Variants in RAB1A observed in about 807,000 individuals in gnomAD.
RAB1A encodes the protein RAB1A, member RAS oncogene family, also known as ras-related protein Rab-1A.
A neutral mutation model predicts 26.0 loss-of-function variants in RAB1A; 2 were observed. The ratio of observed to expected loss-of-function variants is 0.08; its 90% CI spans 0.03 to 0.24. The LOEUF is 0.24. Among genes scored for constraint, RAB1A ranks in the 10% least tolerant of loss-of-function variants. RAB1A has a pLI of 1.00. For missense variants in RAB1A, 100 were observed against 247.0 expected (o/e 0.40, Z 3.99); for synonymous variants, 84 against 84.9 (o/e 0.99, Z 0.06).
At position 65,087,259 on chromosome 2, in the gene RAB1A, T is replaced by C. The variant is rs1383202769; in HGVS notation, c.*1234A>G. The stretch of plus-strand genomic sequence containing the variant: ...GGTCCTATTTCAGAAAATCTTCATA[T>C]ATGCAAAATGTCACCAAAATAAATA... On this transcript the variant is annotated 3_prime_UTR_variant, in exon 6 of 6. Coordinates refer to ENST00000409784, the MANE Select transcript of RAB1A (RefSeq NM_004161.5). 1 of 152,668 alleles carries C rather than the reference T, an allele frequency of 6.6e-6. No homozygotes were observed. The highest frequency in any genetic ancestry group is 2.4e-5 in the African/African-American group (1 of 41,466). 9.5% of individuals were successfully genotyped at this position (152,668 alleles called of 1,614,324 possible). A position where few individuals can be genotyped will look rare whatever the true frequency, so the allele number is the denominator to read the frequency against.
At chr2:65,126,301 G>A (rs1670100338) in intron 1 of RAB1A, among the ~76,000 whole-genome samples, 1 of 151,252 alleles carries the variant, frequency 6.6e-6, no homozygotes, top group Non-Finnish European at 1.5e-5. Flanking sequence ...GTGACAGAGT[G>A]AGACTCCATC....
intron 2 of RAB1A, among the ~76,000 whole-genome samples, chr2:65,103,676 C>T (rs1669488415): frequency 1.3e-5 from 2 of 152,170 alleles, no homozygotes; most frequent in Admixed American, 1.3e-4. Flanking sequence ...GATATTTTGA[C>T]CTCATGGGCT....
At chr2:65,095,012 G>C (rs1473584959) in intron 3 of RAB1A, among the ~76,000 whole-genome samples, 3 of 152,088 alleles carry the variant, frequency 2.0e-5, no homozygotes, top group Admixed American at 6.6e-5. Flanking sequence ...AGAAGTAAAA[G>C]AAACAGGCTT....
intron 1 of RAB1A, among the ~76,000 whole-genome samples, chr2:65,121,533 T>A (rs1356785384): frequency 3.3e-5 from 5 of 152,178 alleles, no homozygotes; most frequent in South Asian, 4.1e-4. Flanking sequence ...CTGTACCCTA[T>A]CTCTCACATG....
chr2:65,098,836 C>CTTTT lies in RAB1A; in HGVS notation c.97-774_97-771dup, dbSNP rs70943624. On this transcript the variant is annotated intron_variant, in intron 2 of 5. Transcript: ENST00000409784. The stretch of plus-strand genomic sequence containing the variant: ...CATGTTGTACCATGTAACAGTACTT[C>CTTTT]TTTTTTTTTTTTTTTTTGAGGCAGG... 1.1e-4 allele frequency among the ~76,000 whole-genome samples: 11 copies of CTTTT among 103,392 alleles called. 3 individuals are homozygous for CTTTT. Among genetic ancestry groups the CTTTT allele is most frequent in the African/African-American group, 1.1e-4 (3 of 26,886 alleles). 67.8% of individuals were successfully genotyped at this position (103,392 alleles called of 152,430 possible).
intron 1 of RAB1A, among the ~76,000 whole-genome samples, chr2:65,107,117 G>C (rs778884320): frequency 1.3e-4 from 19 of 151,822 alleles, no homozygotes; most frequent in Non-Finnish European, 1.9e-4. Context: ...CCAGGCTGGA[G>C]TGCAGTGAAG....
In RAB1A at chr2:65,101,544, T is replaced by C. The variant is rs146018959; in HGVS notation, c.96+3190A>G. ...GCAATGGACATCCCAGAGAGGGTTTTCCTTGAGGCACAAACGCCTGAGGCT... is the reference window on the plus strand; with the variant it reads ...GCAATGGACATCCCAGAGAGGGTTTCCCTTGAGGCACAAACGCCTGAGGCT... On this transcript the variant is annotated intron_variant, in intron 2 of 5. Transcript: ENST00000409784. Among the ~76,000 whole-genome samples the C allele has an allele frequency of 2.3e-3, 356 of 152,278 alleles. 3 individuals are homozygous for C. The highest frequency in any genetic ancestry group is 8.2e-3 in the African/African-American group (341 of 41,558).
intron 1 of RAB1A, among the ~76,000 whole-genome samples, chr2:65,108,829 T>C (rs1669624653): frequency 6.6e-6 from 1 of 152,162 alleles, no homozygotes; most frequent in Admixed American, 6.6e-5. Context: ...AAAAAAATTA[T>C]TTATGAGTTT....
At chr2:65,104,445 T>G (rs1449793219) in intron 2 of RAB1A, among the ~76,000 whole-genome samples, 1 of 152,186 alleles carries the variant, frequency 6.6e-6, no homozygotes, top group African/African-American at 2.4e-5. Context: ...GGCCACCAAC[T>G]ACCCCTTTAA....
At chr2:65,125,241 T>G (rs1406258134) in intron 1 of RAB1A, among the ~76,000 whole-genome samples, 1 of 152,048 alleles carries the variant, frequency 6.6e-6, no homozygotes, top group Non-Finnish European at 1.5e-5. Context: ...GACTACTATA[T>G]TTCTTCCTAC....
chr2:65,124,352 G>A (rs949651818), intron 1 of RAB1A, among the ~76,000 whole-genome samples: 7 of 152,180 alleles, frequency 4.6e-5, no homozygotes, highest in Non-Finnish European at 1.0e-4. Context: ...TGGAAGGATC[G>A]CTTGAGGCCA....
At chr2:65,093,387 C>G (rs1038805580) in intron 3 of RAB1A, among the ~76,000 whole-genome samples, 2 of 152,146 alleles carry the variant, frequency 1.3e-5, no homozygotes, top group South Asian at 4.1e-4. Flanking sequence ...CAGAAAGAGG[C>G]CTTCCATGGT....
intron 2 of RAB1A, among the ~76,000 whole-genome samples, chr2:65,102,142 T>C (rs932910462): frequency 6.6e-6 from 1 of 152,232 alleles, no homozygotes; most frequent in African/African-American, 2.4e-5. Context: ...TGTGCAAATG[T>C]GCTTTATATG....
chr2:65,106,402 TTTTTG>T (rs1220749225), intron 1 of RAB1A: 2 of 355,806 alleles, frequency 5.6e-6, no homozygotes, highest in Non-Finnish European at 1.1e-5. Flanking sequence ...AAACTTATTT[TTTTTG>T]TTTTAATTGC....
At chr2:65,107,223 A>T (rs1669582673) in intron 1 of RAB1A, among the ~76,000 whole-genome samples, 1 of 151,770 alleles carries the variant, frequency 6.6e-6, no homozygotes, top group Non-Finnish European at 1.5e-5. Context: ...GTGCTAACAC[A>T]CCCAGCTAAT....
chr2:65,111,222 C>T (rs994534625), intron 1 of RAB1A, among the ~76,000 whole-genome samples: 2 of 151,916 alleles, frequency 1.3e-5, no homozygotes, highest in Non-Finnish European at 2.9e-5. Flanking sequence ...ATTAGCCAGG[C>T]GTGGTGGCAC....
At chr2:65,123,369 C>A (rs537673639) in intron 1 of RAB1A, among the ~76,000 whole-genome samples, 2 of 151,602 alleles carry the variant, frequency 1.3e-5, no homozygotes, top group Non-Finnish European at 2.9e-5. Context: ...GGGGTTTCAC[C>A]GTGTTAGCCA....
At chr2:65,119,856 A>AG in intron 1 of RAB1A, among the ~76,000 whole-genome samples, 1 of 149,426 alleles carries the variant, frequency 6.7e-6, no homozygotes, top group South Asian at 2.1e-4. Context: ...AAAAAAAAAA[A>AG]AAAAAAAAAA....
chr2:65,109,383 A>G (rs535702393), intron 1 of RAB1A, among the ~76,000 whole-genome samples: 4 of 152,264 alleles, frequency 2.6e-5, no homozygotes, highest in East Asian at 3.9e-4. Flanking sequence ...TTAAGTGAAA[A>G]AAACTAAATT....
Sources: gnomAD v4.1 joint callset for allele counts (sites outside exome capture counted in the v4.1 genomes callset) on GRCh38, gnomAD v4.1.1 for gene constraint, MANE v1.5 for transcripts, NCBI Gene and HGNC (gene_info 2026-07-23, HGNC 2026-07-21) for gene names.